The following EFHC2 variants were observed in gnomAD, a reference collection of about 807,000 sequenced individuals.
The protein encoded by EFHC2 is EF-hand domain containing 2, also known as EF-hand domain-containing family member C2.
EFHC2 carries 18 observed loss-of-function variants against 52.7 expected under a neutral mutation model. That is an observed-to-expected ratio of 0.34 (90% CI 0.24 to 0.51). EFHC2 has a LOEUF of 0.51. Among genes scored for constraint, EFHC2 ranks in the 20% least tolerant of loss-of-function variants. The pLI is 0.97. For missense variants in EFHC2, 513 were observed against 562.5 expected (o/e 0.91, Z 0.89); for synonymous variants, 203 against 204.1 (o/e 0.99, Z 0.04).
Position 44,176,315 on chromosome X carries a change from A to T in EFHC2, c.2019T>A (p.Asp673Glu), listed in dbSNP as rs760784512. Residue 673 changes from aspartate (D) to glutamate (E), a missense_variant, in exon 13 of 15, where the codon GAT becomes GAA. By Grantham distance (45) the Asp-to-Glu change is conservative. Transcript: ENST00000420999. ...ACCTTGACAATAAGGATTCTAGAAG[A>T]TCATCACTCAAAGGTAATCTGGAGG... ...CKSSRLPLSD[D>E]LLESLLSRFE... 8.3e-7 allele frequency: 1 copy of T among 1,201,760 alleles called. No individual in the cohort carries two copies. The highest frequency in any genetic ancestry group is 1.1e-6 in the Non-Finnish European group (1 of 889,932).
chrX:44,219,564 T>C (rs761431626), intron 11 of EFHC2, among the ~76,000 whole-genome samples: 3 of 111,363 alleles, frequency 2.7e-5, no homozygotes, highest in Non-Finnish European at 5.7e-5. Context: ...GGTGGATATA[T>C]GGGGTGTCCA....
chrX:44,317,914 C>T (rs747519990), intron 1 of EFHC2, among the ~76,000 whole-genome samples: 2 of 112,732 alleles, frequency 1.8e-5, no homozygotes, highest in East Asian at 5.6e-4. Context: ...AACTGTCACA[C>T]CTTGCTGGTG....
chrX:44,237,755 G>A (rs1320774874), intron 8 of EFHC2, among the ~76,000 whole-genome samples: 1 of 111,176 alleles, frequency 9.0e-6, no homozygotes, highest in Non-Finnish European at 1.9e-5. Context: ...ACTGGCTTCC[G>A]GGATCCAGCA....
chrX:44,250,590 C>A, intron 4 of EFHC2, 145 bp from the exon 5 acceptor site: 1 of 684,282 alleles, frequency 1.5e-6, no homozygotes, highest in Non-Finnish European at 2.0e-6. Context: ...TTTGGGAGGC[C>A]AAGGCGGGAA....
intron 11 of EFHC2, 45 bp from the exon 12 acceptor site, chrX:44,178,609 T>C: frequency 1.0e-6 from 1 of 962,644 alleles, no homozygotes; most frequent in East Asian, 3.4e-5. Context: ...TATCTAAGAA[T>C]ACAGTATTTT....
At chrX:44,321,874 T>C (rs1166148668) in intron 1 of EFHC2, among the ~76,000 whole-genome samples, 1 of 111,686 alleles carries the variant, frequency 9.0e-6, no homozygotes, top group African/African-American at 3.3e-5. Context: ...CTAGTATTTA[T>C]AATTTCCTTA....
chrX:44,206,364 A>T (rs2037048688), intron 11 of EFHC2, among the ~76,000 whole-genome samples: 1 of 111,573 alleles, frequency 9.0e-6, no homozygotes. Context: ...AGCCAGGGCA[A>T]TCAAGCAAGA....
intron 1 of EFHC2, among the ~76,000 whole-genome samples, chrX:44,321,019 A>G (rs1000411871): frequency 8.9e-6 from 1 of 111,876 alleles, no homozygotes; most frequent in Non-Finnish European, 1.9e-5. Flanking sequence ...AATACAAAGA[A>G]CTGGGGATAT....
At chrX:44,248,778 G>C (rs779843517) in intron 6 of EFHC2, 25 bp downstream of exon 6, 9 of 1,149,534 alleles carry the variant, frequency 7.8e-6, no homozygotes, top group Non-Finnish European at 1.1e-5. Flanking sequence ...ACTAGAAACA[G>C]GTAATAAAAT....
chrX:44,320,515 C>G (rs915445337), intron 1 of EFHC2, among the ~76,000 whole-genome samples: 1 of 111,599 alleles, frequency 9.0e-6, no homozygotes, highest in African/African-American at 3.3e-5. Context: ...TGACTGCAGT[C>G]AATTTATGAT....
In EFHC2 at chrX:44,148,798, T is replaced by TTCC; in HGVS notation, c.2244_2246dup (p.Glu749dup). The TTCC allele has an allele frequency of 8.5e-7, 1 of 1,177,436 alleles. No individual in the cohort carries two copies. ...GAATTGACCAAAACTGGCATGGTTA[T>TTCC]TCCTCCTCTAAGCCAAACGCGTCCT... On this transcript the variant is annotated inframe_insertion, in exon 15 of 15. Coordinates refer to ENST00000420999, the MANE Select transcript of EFHC2 (RefSeq NM_025184.4).
At chrX:44,331,697 G>A (rs756533286) in intron 1 of EFHC2, among the ~76,000 whole-genome samples, 5 of 111,752 alleles carry the variant, frequency 4.5e-5, no homozygotes, top group African/African-American at 6.5e-5. Context: ...CAGACAAATC[G>A]CTTGAGTCCA....
intron 4 of EFHC2, among the ~76,000 whole-genome samples, chrX:44,250,822 T>C (rs1343574094): frequency 2.3e-5 from 2 of 86,661 alleles, no homozygotes; most frequent in East Asian, 3.3e-4. Context: ...GAGACTCCAT[T>C]TCGAAAAAAA....
rs749093591 is a variant in EFHC2 at position 44,148,818 on chromosome X, C to T, written c.2227G>A (p.Ala743Thr). ...YIDYWTFLKD[A>T]FGLEEE ...GGTTATTCCTCCTCTAAGCCAAACG[C>T]GTCCTTCAAAAAGGTCCAGTAGTCA... Residue 743 changes from alanine to threonine, a missense_variant, in exon 15 of 15, where the codon GCG (alanine) becomes ACG (threonine). By Grantham distance (58) the Ala-to-Thr change is moderately conservative. Coordinates refer to ENST00000420999, the MANE Select transcript of EFHC2 (RefSeq NM_025184.4). 4.7e-5 allele frequency: 56 copies of T among 1,181,900 alleles called. No homozygotes were observed. The highest frequency in any genetic ancestry group is 5.5e-5 in the Non-Finnish European group (48 of 880,490).
intron 11 of EFHC2, among the ~76,000 whole-genome samples, chrX:44,200,787 T>C (rs182223019): frequency 9.0e-6 from 1 of 111,648 alleles, no homozygotes; most frequent in Admixed American, 9.5e-5. Flanking sequence ...CAAGATGCAT[T>C]GTAATAAAAC....
At chrX:44,176,193 G>A in intron 13 of EFHC2, 99 bp downstream of exon 13, 1 of 651,557 alleles carries the variant, frequency 1.5e-6, no homozygotes, top group African/African-American at 2.2e-5. Context: ...ACAGTTAAGG[G>A]TAAATCAAGG....
intron 11 of EFHC2, among the ~76,000 whole-genome samples, chrX:44,193,161 A>G (rs1259966681): frequency 9.0e-6 from 1 of 110,809 alleles, no homozygotes; most frequent in South Asian, 3.9e-4. Context: ...GACACAGACA[A>G]TCCTTTCTAT....
At chrX:44,287,344 C>G (rs1247915769) in intron 2 of EFHC2, among the ~76,000 whole-genome samples, 2 of 111,832 alleles carry the variant, frequency 1.8e-5, no homozygotes, top group Admixed American at 1.9e-4. Context: ...CTGCTCCTCT[C>G]TCCCTGCATT....
At chrX:44,266,204 G>A (rs1388509370) in intron 3 of EFHC2, among the ~76,000 whole-genome samples, 2 of 111,387 alleles carry the variant, frequency 1.8e-5, no homozygotes, top group Non-Finnish European at 3.8e-5. Context: ...ATTCTCTAGT[G>A]GATATTGGCT....
Sources: gnomAD v4.1 joint callset for allele counts (sites outside exome capture counted in the v4.1 genomes callset) on GRCh38, gnomAD v4.1.1 for gene constraint, MANE v1.5 for transcripts, NCBI Gene and HGNC (gene_info 2026-07-23, HGNC 2026-07-21) for gene names.